The following SRPRB variants were observed in gnomAD, a reference collection of about 807,000 sequenced individuals.
SRPRB encodes SRP receptor subunit beta.
Under a neutral mutation model 31.9 loss-of-function variants are expected in SRPRB, and 20 were observed. The observed-to-expected ratio is 0.63, with a 90% CI of 0.44 to 0.91. The LOEUF (loss-of-function observed/expected upper bound fraction) is 0.91, where lower values mean the gene tolerates loss of function less well. Among genes scored for constraint, SRPRB ranks in the 40% least tolerant of loss-of-function variants. The pLI, the probability that SRPRB is intolerant of heterozygous loss-of-function variation, is 0.00. For missense variants in SRPRB, 321 were observed against 324.9 expected (o/e 0.99, Z 0.09); for synonymous variants, 146 against 132.8 (o/e 1.10, Z -0.68).
At chr3:133,822,276 T>G (rs2107979007), downstream of SRPRB, among the ~76,000 whole-genome samples, 1 of 151,488 alleles carries the variant, frequency 6.6e-6, no homozygotes, top group Non-Finnish European at 1.5e-5. Context: ...AGCTGCCTAA[T>G]GCAAATGACC....
intron 1 of SRPRB, chr3:133,786,934 C>G (rs1934702264): frequency 6.6e-6 from 1 of 152,138 alleles, no homozygotes; most frequent in African/African-American, 2.4e-5. Flanking sequence ...TGCTAAAATT[C>G]TTGGGAAGTA....
downstream of SRPRB, chr3:133,825,097 A>G (rs1935537306): frequency 6.6e-6 from 1 of 152,210 alleles, no homozygotes; most frequent in South Asian, 2.1e-4. Context: ...GTTGATGCAC[A>G]CAGACATCCT....
downstream of SRPRB, among the ~76,000 whole-genome samples, chr3:133,822,037 G>C (rs1469389522): frequency 1.3e-5 from 2 of 152,134 alleles, no homozygotes; most frequent in East Asian, 3.9e-4. Context: ...TTGATGGGAG[G>C]TCAAATGTGC....
rs1421946654 is a variant in SRPRB, at chr3:133,820,687, GTT to G, written c.*926_*927del. ...AAAAAAGTTGCCTTTTTGAAGTGATGTTTTTTGCTGTCTTCTTAAACACAAGG... is the reference window on the plus strand; with the variant it reads ...AAAAAAGTTGCCTTTTTGAAGTGATGTTTTGCTGTCTTCTTAAACACAAGG... On this transcript the variant is annotated 3_prime_UTR_variant, in exon 7 of 7. Transcript: ENST00000678299. 1 of 147,292 alleles carries G rather than the reference GTT, an allele frequency of 6.8e-6. No homozygotes were observed. Among genetic ancestry groups the G allele is most frequent in the South Asian group, 2.3e-4 (1 of 4,402 alleles). 9.1% of individuals were successfully genotyped at this position (147,292 alleles called of 1,614,324 possible).
chr3:133,817,706 TA>T, intron 6 of SRPRB, among the ~76,000 whole-genome samples: 1 of 152,318 alleles, frequency 6.6e-6, no homozygotes, highest in East Asian at 1.9e-4. Context: ...AAAAACTGTA[TA>T]AATTCAACTT....
At chr3:133,822,448 TCTTCCTTTGGCTCCTCTCCAGTCCGGGC>T (rs984964814), downstream of SRPRB, among the ~76,000 whole-genome samples, 3 of 152,152 alleles carry the variant, frequency 2.0e-5, no homozygotes, top group African/African-American at 7.2e-5. Context: ...CTGCACTGTT[TCTTCCTTTGGCTCCTCTCCAGTCCGGGC>T]CTTGGTAGCC....
At chr3:133,818,785 A>AGTGTGTGTGT (rs146467727) in intron 6 of SRPRB, among the ~76,000 whole-genome samples, 1,500 of 144,192 alleles carry the variant, frequency 0.01, 15 homozygotes, top group African/African-American at 0.021. Context: ...ATACTTTTAC[A>AGTGTGTGTGT]GTGTGTGTGT....
downstream of SRPRB, chr3:133,827,747 C>CT: frequency 1.4e-4 from 2 of 14,394 alleles, no homozygotes; most frequent in Non-Finnish European, 3.3e-4. Flanking sequence ...GCAGACAACA[C>CT]CCCCCCCCCC....
chr3:133,810,762 T>C (rs1400074124), intron 3 of SRPRB: 1 of 181,904 alleles, frequency 5.5e-6, no homozygotes, highest in Non-Finnish European at 1.1e-5. Context: ...TACTCCTACT[T>C]TGCTATACTC....
chr3:133,828,487 CA>C, downstream of SRPRB: 1 of 434,846 alleles, frequency 2.3e-6, no homozygotes, highest in East Asian at 4.6e-5. Flanking sequence ...TTTTATCTGG[CA>C]AAAAATTGTA....
At chr3:133,809,985 T>C (rs1935229881) in intron 3 of SRPRB, among the ~76,000 whole-genome samples, 2 of 152,268 alleles carry the variant, frequency 1.3e-5, no homozygotes, top group East Asian at 1.9e-4. Flanking sequence ...AGAGCATTTT[T>C]CCCTTCCCTC....
In SRPRB at chr3:133,811,712, A is replaced by C. The variant is rs528870770; in HGVS notation, c.410+513A>C. Among the ~76,000 whole-genome samples, 3 of 151,522 alleles carry C rather than the reference A, an allele frequency of 2.0e-5. No individual in the cohort carries two copies. The South Asian group carries it at 6.3e-4, about 32-fold the overall frequency. On this transcript the variant is annotated intron_variant, in intron 4 of 6. Transcript: ENST00000678299. Reference sequence around the variant, plus strand: ...ATTCTCCTGCCTCAGCCTCCTGAGTAGCTGGGATTACAGGCACGCACCACC... The same window carrying C: ...ATTCTCCTGCCTCAGCCTCCTGAGTCGCTGGGATTACAGGCACGCACCACC...
At chr3:133,827,991 CCTT>C (rs1372946161), downstream of SRPRB, 2 of 702,932 alleles carry the variant, frequency 2.8e-6, no homozygotes, top group Admixed American at 4.0e-5. Context: ...AGCACCTCGT[CCTT>C]CTGATGGCCT....
chr3:133,825,432 G>A (rs1334265195), downstream of SRPRB: 1 of 152,330 alleles, frequency 6.6e-6, no homozygotes, highest in South Asian at 2.1e-4. Flanking sequence ...CCTCAGACCT[G>A]GGAACATGAC....
At chr3:133,786,882 TAA>T (rs1934701095) in intron 1 of SRPRB, 1 of 152,260 alleles carries the variant, frequency 6.6e-6, no homozygotes, top group Non-Finnish European at 1.5e-5. Flanking sequence ...TGATGTATGT[TAA>T]GTGTAGAGGT....
Position 133,798,459 on chromosome 3 carries a change from T to A in SRPRB, c.-173-7217T>A, listed in dbSNP as rs1402713970. Among the ~76,000 whole-genome samples the A allele has an allele frequency of 3.3e-5, 5 of 152,234 alleles. No homozygotes were observed. In the South Asian group the frequency reaches 8.3e-4, roughly 25 times the overall value. On this transcript the variant is annotated intron_variant, in intron 1 of 7. Transcript: ENST00000466490. ...CATTATACTTAGTGTATTCTGTTGC[T>A]TTATGTTTCATTTTAAATTGAACAT...
At chr3:133,827,909 T>C (rs1380077717), downstream of SRPRB, 6 of 702,824 alleles carry the variant, frequency 8.5e-6, no homozygotes, top group Non-Finnish European at 1.6e-5. Flanking sequence ...GGTGGGCTGG[T>C]TAAAATATTT....
At chr3:133,807,310 G>A (rs893994769) in intron 2 of SRPRB, among the ~76,000 whole-genome samples, 25 of 142,210 alleles carry the variant, frequency 1.8e-4, no homozygotes, top group African/African-American at 6.4e-4. Context: ...CTGGAGTGCA[G>A]TGGCGAGATC....
chr3:133,805,748 T>C (rs779028522), upstream of SRPRB: 18 of 1,461,414 alleles, frequency 1.2e-5, no homozygotes, highest in Middle Eastern at 2.0e-4. Context: ...GGAGAGACTA[T>C]GGCTTAGGAA....
Sources: gnomAD v4.1 joint callset for allele counts (sites outside exome capture counted in the v4.1 genomes callset) on GRCh38, gnomAD v4.1.1 for gene constraint, MANE v1.5 for transcripts, NCBI Gene and HGNC (gene_info 2026-07-23, HGNC 2026-07-21) for gene names.